CSMD1: variants seen among roughly 807,000 people sequenced by gnomAD.
The protein encoded by CSMD1 is CUB and sushi domain-containing protein 1.
CSMD1 carries 213 observed loss-of-function variants against 417.5 expected under a neutral mutation model. The observed-to-expected ratio is 0.51, with a 90% CI of 0.46 to 0.57. CSMD1 has a LOEUF of 0.57. Ranked by LOEUF, CSMD1 falls within the 20% of genes least tolerant of loss-of-function variation. The probability of loss-of-function intolerance (pLI) is 0.00; values close to 1 mark genes in which losing one functional copy is unlikely to be tolerated. For missense variants in CSMD1, 6,923 were observed against 4,529.7 expected, an observed-to-expected ratio of 1.53 and a Z score of -15.17; for synonymous variants, 2,862 against 1,736.8, an observed-to-expected ratio of 1.65 and a Z score of -16.11.
At chr8:3,692,044 G>A (rs543494503) in intron 7 of CSMD1, among the ~76,000 whole-genome samples, 1 of 152,178 alleles carries the variant, frequency 6.6e-6, no homozygotes, top group African/African-American at 2.4e-5. Context: ...GTCACTCAGC[G>A]ATCTGCCTGC....
intron 7 of CSMD1, among the ~76,000 whole-genome samples, chr8:3,643,700 CAAAAA>C (rs66500235): frequency 0.028 from 2,364 of 85,332 alleles, 73 homozygotes; most frequent in African/African-American, 0.11. Context: ...GACTCCGTCT[CAAAAA>C]AAAAAAAAAA....
intron 1 of CSMD1, among the ~76,000 whole-genome samples, chr8:4,769,571 A>T (rs1018659022): frequency 1.1e-4 from 16 of 152,226 alleles, no homozygotes; most frequent in Middle Eastern, 3.2e-3. Context: ...AATTTTGCCA[A>T]TGTTGCAAAA....
chr8:4,047,858 C>G (rs546774983), intron 3 of CSMD1, among the ~76,000 whole-genome samples: 2 of 151,960 alleles, frequency 1.3e-5, no homozygotes, highest in Non-Finnish European at 2.9e-5. Flanking sequence ...AGTAGAGGAT[C>G]AGATCTAATA....
chr8:3,133,934 G>A (rs146859946), intron 41 of CSMD1, among the ~76,000 whole-genome samples: 2 of 152,300 alleles, frequency 1.3e-5, no homozygotes, highest in Non-Finnish European at 2.9e-5. Context: ...CAGCACTCTG[G>A]GAGGCCGAGG....
At chr8:4,020,527 T>A (rs1174936484) in intron 4 of CSMD1, among the ~76,000 whole-genome samples, 1 of 152,140 alleles carries the variant, frequency 6.6e-6, no homozygotes, top group East Asian at 1.9e-4. Flanking sequence ...TCTGGATGGG[T>A]GAACATCTCA....
chr8:3,463,908 C>T (rs747483372), intron 12 of CSMD1, among the ~76,000 whole-genome samples: 3 of 152,166 alleles, frequency 2.0e-5, no homozygotes, highest in African/African-American at 4.8e-5. Flanking sequence ...AGCACAGACC[C>T]TTGGCCACAG....
At chr8:3,299,636 C>T (rs1270284491) in intron 25 of CSMD1, among the ~76,000 whole-genome samples, 2 of 151,964 alleles carry the variant, frequency 1.3e-5, no homozygotes, top group South Asian at 2.1e-4. Context: ...GGCTCTTGTC[C>T]AGCCAAGAGA....
intron 5 of CSMD1, among the ~76,000 whole-genome samples, chr8:3,934,249 G>A (rs1810338360): frequency 6.6e-6 from 1 of 152,122 alleles, no homozygotes; most frequent in Non-Finnish European, 1.5e-5. Context: ...AACTTGCTCA[G>A]AATAATCATT....
At chr8:3,431,144 G>C (rs1814194668) in intron 12 of CSMD1, among the ~76,000 whole-genome samples, 1 of 152,122 alleles carries the variant, frequency 6.6e-6, no homozygotes, top group African/African-American at 2.4e-5. Context: ...CACCAACAGA[G>C]CTAGCAACTC....
chr8:4,469,869 T>A (rs1404073507), intron 2 of CSMD1, among the ~76,000 whole-genome samples: 1 of 92,568 alleles, frequency 1.1e-5, no homozygotes, highest in Non-Finnish European at 2.3e-5. Flanking sequence ...TTGGTTTTCC[T>A]TTTTTTTTTT....
chr8:3,305,633 C>T (rs928007827), intron 25 of CSMD1, among the ~76,000 whole-genome samples: 4 of 152,144 alleles, frequency 2.6e-5, no homozygotes, highest in Non-Finnish European at 5.9e-5. Context: ...CCTTGGACTT[C>T]CCATCCTCCA....
intron 3 of CSMD1, among the ~76,000 whole-genome samples, chr8:4,318,954 G>A (rs1245601444): frequency 1.3e-5 from 2 of 152,110 alleles, no homozygotes; most frequent in Non-Finnish European, 2.9e-5. Context: ...AAAACAAAAT[G>A]AAAGCACAAT....
At chr8:3,892,898 T>C (rs1054099771) in intron 5 of CSMD1, among the ~76,000 whole-genome samples, 4 of 151,742 alleles carry the variant, frequency 2.6e-5, no homozygotes, top group African/African-American at 9.7e-5. Context: ...CAAGCGTTGA[T>C]GTGGACAGAG....
chr8:3,992,005 G>A (rs1030209331), intron 5 of CSMD1, among the ~76,000 whole-genome samples: 4 of 151,856 alleles, frequency 2.6e-5, no homozygotes, highest in Non-Finnish European at 5.9e-5. Context: ...AAAAAACATA[G>A]AAATGGCATT....
intron 1 of CSMD1, among the ~76,000 whole-genome samples, chr8:4,948,782 T>C (rs1808540494): frequency 6.6e-6 from 1 of 152,142 alleles, no homozygotes; most frequent in Non-Finnish European, 1.5e-5. Flanking sequence ...CTGAAAGTCT[T>C]AACGTGTTTT....
chr8:4,198,725 G>A (rs1015375478), intron 3 of CSMD1, among the ~76,000 whole-genome samples: 2 of 151,856 alleles, frequency 1.3e-5, no homozygotes, highest in Admixed American at 6.6e-5. Flanking sequence ...TAATATAATT[G>A]GTTTTCTTTG....
chr8:3,005,323 CT>C (rs1373204511), intron 52 of CSMD1, among the ~76,000 whole-genome samples: 3 of 152,124 alleles, frequency 2.0e-5, no homozygotes, highest in Non-Finnish European at 2.9e-5. Flanking sequence ...TATTCTGTGT[CT>C]GATGAAAGCT....
intron 1 of CSMD1, among the ~76,000 whole-genome samples, chr8:4,848,385 G>T (rs902492553): frequency 6.6e-6 from 1 of 152,184 alleles, no homozygotes; most frequent in Non-Finnish European, 1.5e-5. Flanking sequence ...TTATAGTGGA[G>T]CTGAAAAATT....
chr8:4,519,934 TGC>T lies in CSMD1; in HGVS notation c.303-99871_303-99870del, dbSNP rs1182355945. Among the ~76,000 whole-genome samples, 26 of 108,792 alleles carry T rather than the reference TGC, an allele frequency of 2.4e-4. No homozygotes were observed. In the East Asian group the frequency reaches 2.7e-3, roughly 11 times the overall value. 71.4% of individuals were successfully genotyped at this position (108,792 alleles called of 152,430 possible). A position where few individuals can be genotyped will look rare whatever the true frequency, so the allele number is the denominator to read the frequency against. ...TTACATTATGTAGTGTGTGTGTGTGTGCGTGTGTGTGTGTGTGTGTGTGGTGT... is the reference window on the plus strand; with the variant it reads ...TTACATTATGTAGTGTGTGTGTGTGTGTGTGTGTGTGTGTGTGTGTGGTGT... On this transcript the variant is annotated intron_variant, in intron 2 of 69. Coordinates refer to ENST00000635120, the MANE Select transcript of CSMD1 (RefSeq NM_033225.6).
Sources: gnomAD v4.1 joint callset for allele counts (sites outside exome capture counted in the v4.1 genomes callset) on GRCh38, gnomAD v4.1.1 for gene constraint, MANE v1.5 for transcripts, NCBI Gene and HGNC (gene_info 2026-07-23, HGNC 2026-07-21) for gene names.